DNMT1: variants seen among roughly 807,000 people sequenced by gnomAD.
DNMT1 encodes DNA (cytosine-5)-methyltransferase 1.
In DNMT1, 24 loss-of-function variants were observed where a neutral mutation model predicts 205.3. The observed-to-expected ratio is 0.12, with a 90% confidence interval of 0.08 to 0.16. DNMT1 has a LOEUF of 0.16. Ranked by LOEUF, DNMT1 falls within the 10% of genes least tolerant of loss-of-function variation. The probability of loss-of-function intolerance (pLI) is 1.00; values close to 1 mark genes in which losing one functional copy is unlikely to be tolerated. For missense variants in DNMT1, 1,293 were observed against 2,177.7 expected (o/e 0.59, Z 8.09); for synonymous variants, 817 against 839.8 (o/e 0.97, Z 0.47).
intron 39 of DNMT1, among the ~76,000 whole-genome samples, chr19:10,135,203 G>C (rs1411147362): frequency 9.0e-6 from 1 of 111,446 alleles, no homozygotes; most frequent in African/African-American, 3.6e-5. Flanking sequence ...AAAGAACAAA[G>C]CTCCATCTCA....
chr19:10,188,014 C>T (rs568004172), intron 1 of DNMT1, among the ~76,000 whole-genome samples: 258 of 152,158 alleles, frequency 1.7e-3, no homozygotes, highest in Non-Finnish European at 3.1e-3. Context: ...TGGCAGCATG[C>T]ACCTGTGGTC....
At chr19:10,162,810 C>T (rs1281996753) in intron 12 of DNMT1, 62 bp from the exon 13 acceptor site, 8 of 1,573,372 alleles carry the variant, frequency 5.1e-6, no homozygotes, top group African/African-American at 1.4e-5. Flanking sequence ...ATCGCCAACT[C>T]GCACGGAAAG....
Position 10,146,957 on chromosome 19 carries a change from G to A in DNMT1, c.2721-433C>T, listed in dbSNP as rs982037753. Among the ~76,000 whole-genome samples, 4 of 152,110 alleles carry A rather than the reference G, an allele frequency of 2.6e-5. No individual in the cohort carries two copies. Among genetic ancestry groups the A allele is most frequent in the African/African-American group, 9.7e-5 (4 of 41,412 alleles). The stretch of plus-strand genomic sequence containing the variant: ...AGCCCTTAAAGGAGACTTGAAGATG[G>A]CCTTAAAAATAGAGATCAAGGCCCA... On this transcript the variant is annotated intron_variant, in intron 27 of 40. Coordinates refer to ENST00000359526, the MANE Select transcript of DNMT1 (RefSeq NM_001130823.3). The surrounding 1 kb of genome is among the most constrained non-coding windows in gnomAD (Gnocchi z 4.4).
intron 11 of DNMT1, among the ~76,000 whole-genome samples, chr19:10,164,482 G>A (rs141703338): frequency 2.1e-3 from 324 of 152,266 alleles, no homozygotes; most frequent in Non-Finnish European, 3.9e-3. Flanking sequence ...CCATGGTGGT[G>A]CATGCCTGTA....
intron 2 of DNMT1, among the ~76,000 whole-genome samples, chr19:10,181,685 T>G (rs1388822438): frequency 6.6e-6 from 1 of 151,894 alleles, no homozygotes; most frequent in Non-Finnish European, 1.5e-5. Flanking sequence ...AAAAATTAGC[T>G]GGGCATGGTG....
intron 5 of DNMT1, among the ~76,000 whole-genome samples, chr19:10,178,979 A>T (rs2145373545): frequency 1.3e-5 from 2 of 150,228 alleles, no homozygotes; most frequent in South Asian, 4.2e-4. Flanking sequence ...TACAAAAAAA[A>T]TTAGCCGGGC....
At position 10,159,587 on chromosome 19, in the gene DNMT1, G is replaced by C; in HGVS notation, c.1280+71C>G. The stretch of plus-strand genomic sequence containing the variant: ...GGCACTAAAAAACATCACCAGAATC[G>C]TGAGCCCGCAGGCACCTCTGGGGAT... On this transcript the variant is annotated intron_variant, in intron 17 of 40. Coordinates refer to ENST00000359526, the MANE Select transcript of DNMT1 (RefSeq NM_001130823.3). The surrounding 1 kb of genome is among the most constrained non-coding windows in gnomAD (Gnocchi z 5.0). 1 of 1,478,386 alleles carries C rather than the reference G, an allele frequency of 6.8e-7. No individual in the cohort carries two copies. The allele number at this position is 1,478,386 out of a possible 1,614,324, so 91.6% of individuals were successfully genotyped here.
In DNMT1 at chr19:10,186,042, C is replaced by T. The variant is rs893215649; in HGVS notation, c.81-3965G>A. 8.6e-5 allele frequency among the ~76,000 whole-genome samples: 13 copies of T among 152,018 alleles called. 1 individual carries two copies. The highest frequency in any genetic ancestry group is 6.2e-4 in the South Asian group (3 of 4,816). ...AGCGTTACACTTGACTTCTCAGTCA[C>T]GCCGCTGAGAAAACTGGAAGGACAT... On this transcript the variant is annotated intron_variant, in intron 1 of 40. Transcript: ENST00000359526.
In DNMT1 at chr19:10,138,125, C is replaced by T. The variant is rs570668263; in HGVS notation, c.4116-116G>A. On this transcript the variant is annotated intron_variant, in intron 35 of 40. Transcript: ENST00000359526. This position sits in a 1 kb window ranked among gnomAD's most constrained non-coding sequence, Gnocchi z 4.1. ...CTTCTCCCGAGATCACAGCACTGCC[C>T]GAGGTCACATGGGTGGCAGTGTGCC... 56 of 1,315,450 alleles carry T rather than the reference C, an allele frequency of 4.3e-5. 1 individual carries two copies. The highest frequency in any genetic ancestry group is 4.2e-4 in the Middle Eastern group (2 of 4,782). The allele number at this position is 1,315,450 out of a possible 1,614,324, so 81.5% of individuals were successfully genotyped here.
chr19:10,172,633 G>C (rs891666858), intron 9 of DNMT1, among the ~76,000 whole-genome samples: 5 of 151,900 alleles, frequency 3.3e-5, no homozygotes, highest in Admixed American at 6.6e-5. Context: ...AGATCAGCCT[G>C]GCCAACACAG....
chr19:10,141,959 AC>A, intron 30 of DNMT1, 68 bp downstream of exon 30: 1 of 1,578,218 alleles, frequency 6.3e-7, no homozygotes. Context: ...CTTGTGTATA[AC>A]CCGACATCAG....
Position 10,141,228 on chromosome 19 carries a change from G to A in DNMT1, c.3310-39C>T, listed in dbSNP as rs371585255. 81 of 1,595,828 alleles carry A rather than the reference G, an allele frequency of 5.1e-5. No homozygotes were observed. The African/African-American group carries it at 6.0e-4, about 12-fold the overall frequency. On this transcript the variant is annotated intron_variant, in intron 30 of 40. Coordinates refer to ENST00000359526, the MANE Select transcript of DNMT1 (RefSeq NM_001130823.3). The stretch of plus-strand genomic sequence containing the variant: ...AACTGCAATCGTTTGGGAGAGAAAC[G>A]CACTGTCCCCTCTCTAACGCAGACT...
Position 10,134,105 on chromosome 19 carries a change from G to A in DNMT1, c.4864+112C>T, listed in dbSNP as rs76159732. 3.2e-3 allele frequency: 3,586 copies of A among 1,105,682 alleles called. 86 individuals are homozygous for A. In the African/African-American group the frequency reaches 0.049, roughly 15 times the overall value. The allele number at this position is 1,105,682 out of a possible 1,614,324, so 68.5% of individuals were successfully genotyped here. A position where few individuals can be genotyped will look rare whatever the true frequency, so the allele number is the denominator to read the frequency against. On this transcript the variant is annotated intron_variant, in intron 40 of 40. Coordinates refer to ENST00000359526, the MANE Select transcript of DNMT1 (RefSeq NM_001130823.3). Reference sequence around the variant, plus strand: ...GAGAAAGATGGGGCCACGAACGTGGGTAGGTGACCCGCCTGAGTCCCAGAG... The same window carrying A: ...GAGAAAGATGGGGCCACGAACGTGGATAGGTGACCCGCCTGAGTCCCAGAG...
rs549847345 is a variant in DNMT1 at position 10,156,151 on chromosome 19, CATAAGT to C, written c.1400-212_1400-207del. Among the ~76,000 whole-genome samples the C allele has an allele frequency of 2.2e-3, 340 of 151,796 alleles. 2 individuals are homozygous for C. The highest frequency in any genetic ancestry group is 7.9e-3 in the African/African-American group (326 of 41,444). ...CAGCAACTCCAGCTGACTATTGCTT[CATAAGT>C]ATGTTTTTTATTTATACATATATAT... On this transcript the variant is annotated intron_variant, in intron 18 of 40. Transcript: ENST00000359526. This position sits in a 1 kb window ranked among gnomAD's most constrained non-coding sequence, Gnocchi z 4.2.
chr19:10,173,042 T>C (rs1568248279), intron 9 of DNMT1, 48 bp downstream of exon 9: 3 of 1,607,700 alleles, frequency 1.9e-6, no homozygotes, highest in African/African-American at 2.7e-5. Context: ...ATTGGGACCA[T>C]ATAGGATTAA....
At chr19:10,186,969 A>T (rs570274456) in intron 1 of DNMT1, among the ~76,000 whole-genome samples, 1 of 152,176 alleles carries the variant, frequency 6.6e-6, no homozygotes, top group Non-Finnish European at 1.5e-5. Flanking sequence ...CTCTGTGTGA[A>T]CCGGGCACAG....
rs1252893841 is a variant in DNMT1 at position 10,137,840 on chromosome 19, T to C, written c.4285A>G (p.Ile1429Val). Residue 1429 changes from isoleucine to valine, a missense_variant, in exon 36 of 41, where the codon ATC (isoleucine) becomes GTC (valine). Around this residue, in one of 13 missense-constraint regions of DNMT1, gnomAD observed 148 missense variants for 256.1 expected, o/e 0.58. Transcript: ENST00000359526. This position sits in a 1 kb window ranked among gnomAD's most constrained non-coding sequence, Gnocchi z 6.4. ...TGTCAGGGTGCCATTACCTTACAGA[T>C]GTGGTCCCTGAGGATGGGCTGGTAC... ...AQYQPILRDH[I>V]CKDMSALVAA... The C allele has an allele frequency of 6.2e-7, 1 of 1,613,218 alleles. No homozygotes were observed. The highest frequency in any genetic ancestry group is 8.5e-7 in the Non-Finnish European group (1 of 1,179,852).
At chr19:10,149,364 A>G in intron 26 of DNMT1, 89 bp downstream of exon 26, 1 of 1,498,594 alleles carries the variant, frequency 6.7e-7, no homozygotes. Flanking sequence ...CAAATTAAAA[A>G]AAAATACAAA....
chr19:10,174,617 G>C (rs774064869), intron 7 of DNMT1, among the ~76,000 whole-genome samples: 2 of 152,012 alleles, frequency 1.3e-5, no homozygotes, highest in South Asian at 4.2e-4. Flanking sequence ...TGAGGATGGA[G>C]AGTCACTTGA....
Sources: allele counts gnomAD v4.1 joint callset (sites outside exome capture counted in the v4.1 genomes callset), GRCh38; gene constraint gnomAD v4.1.1; regional missense constraint gnomAD v4.1.1; non-coding constraint Gnocchi (gnomAD v3.1); transcripts MANE v1.5; gene names NCBI Gene and HGNC (gene_info 2026-07-23, HGNC 2026-07-21).